Variants in FMN1 observed in about 807,000 individuals in gnomAD.
FMN1 encodes the protein formin 1.
In FMN1, 110 loss-of-function variants were observed where a neutral mutation model predicts 132.4. The observed-to-expected ratio is 0.83, with a 90% CI of 0.71 to 0.97. The LOEUF is 0.97. Among genes scored for constraint, FMN1 ranks in the 50% least tolerant of loss-of-function variants. The pLI is 0.00. For missense variants in FMN1, 1,792 were observed against 1,705.3 expected (o/e 1.05, Z -0.90); for synonymous variants, 722 against 651.7 (o/e 1.11, Z -1.64).
chr15:33,030,899 T>A, intron 6 of FMN1, among the ~76,000 whole-genome samples: 1 of 152,124 alleles, frequency 6.6e-6, no homozygotes, highest in Non-Finnish European at 1.5e-5. Flanking sequence ...GGTATACACG[T>A]GCCATGGTGG....
At chr15:33,103,268 C>T (rs2039362160) in intron 4 of FMN1, among the ~76,000 whole-genome samples, 1 of 152,064 alleles carries the variant, frequency 6.6e-6, no homozygotes. Context: ...TAAATCTCAG[C>T]TCCAACCTCT....
At chr15:33,033,906 G>T (rs894037742) in intron 6 of FMN1, among the ~76,000 whole-genome samples, 1 of 151,916 alleles carries the variant, frequency 6.6e-6, no homozygotes, top group African/African-American at 2.4e-5. Flanking sequence ...CTTTCCTCAC[G>T]TAGCATTCAG....
At chr15:32,997,590 T>C (rs577323748) in intron 7 of FMN1, among the ~76,000 whole-genome samples, 1 of 152,298 alleles carries the variant, frequency 6.6e-6, no homozygotes, top group African/African-American at 2.4e-5. Flanking sequence ...CTGAGCATGG[T>C]ACCTGGCACA....
intron 15 of FMN1, among the ~76,000 whole-genome samples, chr15:32,892,218 G>A (rs1033717029): frequency 6.6e-6 from 1 of 152,134 alleles, no homozygotes; most frequent in Non-Finnish European, 1.5e-5. Flanking sequence ...TTATTACATT[G>A]AGATATGTCC....
intron 20 of FMN1, among the ~76,000 whole-genome samples, chr15:32,776,172 C>A (rs113490268): frequency 3.9e-5 from 6 of 152,248 alleles, no homozygotes; most frequent in African/African-American, 9.6e-5. Flanking sequence ...GAGCTGTGAT[C>A]TGAACCCAGG....
intron 16 of FMN1, among the ~76,000 whole-genome samples, chr15:32,880,890 A>G (rs1258524288): frequency 6.6e-6 from 1 of 152,160 alleles, no homozygotes; most frequent in Admixed American, 6.5e-5. Context: ...ATGTTCTAGT[A>G]ATAGTATAAA....
intron 7 of FMN1, among the ~76,000 whole-genome samples, chr15:32,988,689 C>G (rs929789202): frequency 6.6e-6 from 1 of 152,170 alleles, no homozygotes; most frequent in African/African-American, 2.4e-5. Context: ...TAGAAGTAAC[C>G]AGACGGTGAA....
intron 8 of FMN1, among the ~76,000 whole-genome samples, chr15:32,965,706 C>G (rs2031152116): frequency 6.6e-6 from 1 of 152,094 alleles, no homozygotes; most frequent in Non-Finnish European, 1.5e-5. Flanking sequence ...TTGGTTTTGG[C>G]CACATTCACC....
At chr15:32,857,871 C>A (rs1050407895) in intron 16 of FMN1, among the ~76,000 whole-genome samples, 2 of 152,174 alleles carry the variant, frequency 1.3e-5, no homozygotes, top group African/African-American at 4.8e-5. Context: ...AGGCAGTTAA[C>A]CCAGCCAAGA....
At chr15:33,117,061 G>A (rs971850001) in intron 4 of FMN1, among the ~76,000 whole-genome samples, 14 of 152,254 alleles carry the variant, frequency 9.2e-5, no homozygotes, top group African/African-American at 3.4e-4. Context: ...CAGAGACTGA[G>A]AAATATCCTA....
At chr15:33,123,950 T>C (rs1197192433) in intron 4 of FMN1, among the ~76,000 whole-genome samples, 1 of 152,238 alleles carries the variant, frequency 6.6e-6, no homozygotes, top group Non-Finnish European at 1.5e-5. Flanking sequence ...AAGATAATCA[T>C]TACAACTTCA....
At chr15:32,928,212 T>C (rs1216342708) in intron 9 of FMN1, among the ~76,000 whole-genome samples, 2 of 152,192 alleles carry the variant, frequency 1.3e-5, no homozygotes, top group Admixed American at 6.5e-5. Flanking sequence ...TCAGTCAATA[T>C]GTTTAAGCAT....
Position 32,767,713 on chromosome 15 carries a change from A to G in FMN1, c.*6597T>C, listed in dbSNP as rs1036057397. On this transcript the variant is annotated 3_prime_UTR_variant, in exon 21 of 21. Transcript: ENST00000616417. The stretch of plus-strand genomic sequence containing the variant: ...AGCTGACAGTAGGGTCATATTACTT[A>G]TGCCTTGGGAAATTACAGAATTGCA... The G allele has an allele frequency of 7.9e-5, 12 of 152,206 alleles. No individual in the cohort carries two copies. The highest frequency in any genetic ancestry group is 2.7e-4 in the African/African-American group (11 of 41,468). The allele number at this position is 152,206 out of a possible 1,614,324, so 9.4% of individuals were successfully genotyped here. A position where few individuals can be genotyped will look rare whatever the true frequency, so the allele number is the denominator to read the frequency against.
chr15:32,804,620 C>T (rs372058067), intron 17 of FMN1, among the ~76,000 whole-genome samples: 13 of 151,780 alleles, frequency 8.6e-5, no homozygotes, highest in African/African-American at 1.7e-4. Flanking sequence ...CCCATCGACT[C>T]GTCATTTACA....
At chr15:33,095,984 G>A (rs1484251613) in intron 4 of FMN1, among the ~76,000 whole-genome samples, 7 of 144,412 alleles carry the variant, frequency 4.8e-5, no homozygotes, top group Non-Finnish European at 7.4e-5. Context: ...AGGAATATAC[G>A]TAACAAGGTA....
chr15:32,848,523 G>A (rs1322589285), intron 17 of FMN1, among the ~76,000 whole-genome samples: 2 of 152,138 alleles, frequency 1.3e-5, no homozygotes, highest in Non-Finnish European at 2.9e-5. Flanking sequence ...GCTTGATAAG[G>A]GACCTTCAGA....
At chr15:33,056,112 A>T (rs934323141) in intron 6 of FMN1, among the ~76,000 whole-genome samples, 1 of 152,192 alleles carries the variant, frequency 6.6e-6, no homozygotes, top group African/African-American at 2.4e-5. Context: ...GTATAAACTG[A>T]TAAAAATCCC....
At chr15:32,889,593 T>C (rs1462762396) in intron 15 of FMN1, among the ~76,000 whole-genome samples, 1 of 152,184 alleles carries the variant, frequency 6.6e-6, no homozygotes, top group Middle Eastern at 3.2e-3. Flanking sequence ...CCTTTGTCTA[T>C]AAAATGGTCC....
At chr15:33,070,092 G>A (rs1361130275) in intron 5 of FMN1, among the ~76,000 whole-genome samples, 4 of 121,200 alleles carry the variant, frequency 3.3e-5, no homozygotes, top group Admixed American at 1.1e-4. Flanking sequence ...CACAACCCCC[G>A]CCTCCCGGGT....
Sources: gnomAD v4.1 joint callset for allele counts (sites outside exome capture counted in the v4.1 genomes callset) on GRCh38, gnomAD v4.1.1 for gene constraint, MANE v1.5 for transcripts, NCBI Gene and HGNC (gene_info 2026-07-23, HGNC 2026-07-21) for gene names.